Variants in PRSS55 observed in about 807,000 individuals in gnomAD.
PRSS55 encodes the protein probable serine protease UNQ9391/PRO34284.
In PRSS55, 41 loss-of-function variants were observed where a neutral mutation model predicts 23.6. The ratio of observed to expected loss-of-function variants is 1.74; its 90% CI spans 1.35 to 2.26. The LOEUF (loss-of-function observed/expected upper bound fraction) is 2.26, where lower values mean the gene tolerates loss of function less well. Ranked by LOEUF, PRSS55 falls within the 30% of genes most tolerant of loss-of-function variation. PRSS55 has a pLI of 0.00. For missense variants in PRSS55, 669 were observed against 439.1 expected (o/e 1.52, Z -4.68); for synonymous variants, 262 against 175.5 (o/e 1.49, Z -3.90).
intron 4 of PRSS55, among the ~76,000 whole-genome samples, chr8:10,536,255 A>C (rs1228963501): frequency 6.6e-6 from 1 of 152,216 alleles, no homozygotes; most frequent in African/African-American, 2.4e-5. Flanking sequence ...GCATATGAAA[A>C]AAAAATAAAG....
At chr8:10,526,779 C>G (rs1001262182) in intron 1 of PRSS55, among the ~76,000 whole-genome samples, 2 of 152,252 alleles carry the variant, frequency 1.3e-5, no homozygotes, top group African/African-American at 4.8e-5. Context: ...TTGGTCGCTT[C>G]AACATCCATC....
chr8:10,525,705 C>T lies in PRSS55; in HGVS notation c.120C>T (p.Arg40=). The T allele has an allele frequency of 6.2e-7, 1 of 1,612,494 alleles. No homozygotes were observed. ...TAGGCAGGGCTAGGGGAGCCCACCG[C>T]CCTCAGCCCCCTCATCCCCCCAGCC... ...AILGRARGAH[R]PQPPHPPSPV... is the part of the protein sequence containing the mutation. Residue 40 remains arginine (R), a synonymous_variant, in exon 1 of 5, where the codon CGC becomes CGT. Transcript: ENST00000328655.
intron 4 of PRSS55, 61 bp from the exon 5 acceptor site, chr8:10,538,415 C>A (rs1455950545): frequency 7.5e-7 from 1 of 1,327,392 alleles, no homozygotes; most frequent in Non-Finnish European, 1.1e-6. Context: ...TGAGCTGTGC[C>A]CAGCCTCAGA....
rs150990483 is a variant in PRSS55, at chr8:10,531,024, T to C, written c.348-271T>C. On this transcript the variant is annotated intron_variant, in intron 2 of 4. Transcript: ENST00000328655. The stretch of plus-strand genomic sequence containing the variant: ...TCTAAACCCAGCTCGGCCTTTGCTG[T>C]ATTAGACAGAAGCACCTCATTCATA... Among the ~76,000 whole-genome samples the C allele has an allele frequency of 3.5e-3, 535 of 152,278 alleles. 3 individuals are homozygous for C. Among genetic ancestry groups the C allele is most frequent in the African/African-American group, 0.012 (502 of 41,556 alleles).
At chr8:10,535,588 A>C (rs1272457678) in intron 4 of PRSS55, among the ~76,000 whole-genome samples, 2 of 152,242 alleles carry the variant, frequency 1.3e-5, no homozygotes, top group Non-Finnish European at 2.9e-5. Context: ...AAAAGACTTA[A>C]ATATAAAACC....
chr8:10,550,201 C>G (rs6987477), intron 4 of PRSS55, among the ~76,000 whole-genome samples: 99,560 of 152,104 alleles, frequency 0.65, 33,455 homozygotes, highest in South Asian at 0.74. Flanking sequence ...GGGATTACAG[C>G]TGTGAGCCAT....
downstream of PRSS55, among the ~76,000 whole-genome samples, chr8:10,539,694 C>T (rs574855357): frequency 2.6e-5 from 4 of 152,282 alleles, no homozygotes; most frequent in African/African-American, 4.8e-5. Flanking sequence ...TTTCCCTTTT[C>T]GCTTGGCCCT....
chr8:10,525,702 C>T lies in PRSS55; in HGVS notation c.117C>T (p.His39=), dbSNP rs892533776. 30 of 1,613,072 alleles carry T rather than the reference C, an allele frequency of 1.9e-5. No individual in the cohort carries two copies. Among genetic ancestry groups the T allele is most frequent in the African/African-American group, 4.0e-5 (3 of 74,908 alleles). ...TCCTAGGCAGGGCTAGGGGAGCCCA[C>T]CGCCCTCAGCCCCCTCATCCCCCCA... ...VAILGRARGA[H]RPQPPHPPSP... is the part of the protein sequence containing the mutation. Residue 39 remains histidine (H), a synonymous_variant, in exon 1 of 5, where the codon CAC becomes CAT. Transcript: ENST00000328655.
intron 4 of PRSS55, chr8:10,553,851 C>G (rs1055658206): frequency 2.6e-6 from 2 of 779,150 alleles, no homozygotes; most frequent in Non-Finnish European, 2.0e-6. Flanking sequence ...TTGGAGTAAC[C>G]ATTTCACAAT....
chr8:10,552,811 C>T (rs1392066393), intron 4 of PRSS55, among the ~76,000 whole-genome samples: 1 of 152,062 alleles, frequency 6.6e-6, no homozygotes. Flanking sequence ...TGTTTGTACT[C>T]CATTGGTAGG....
In PRSS55 at chr8:10,532,780, T is replaced by C; in HGVS notation, c.599-126T>C. 3 of 1,186,010 alleles carry C rather than the reference T, an allele frequency of 2.5e-6. No individual in the cohort carries two copies. The South Asian group carries it at 4.4e-5, about 17-fold the overall frequency. 73.5% of individuals were successfully genotyped at this position (1,186,010 alleles called of 1,614,324 possible). On this transcript the variant is annotated intron_variant, in intron 3 of 4. Transcript: ENST00000328655. ...GGGTAACCTGAAGGAAGTGAGGGGC[T>C]GCAGAGCCTGTGAAGGAAGGGGATG...
chr8:10,528,712 C>T (rs914310077), intron 1 of PRSS55, among the ~76,000 whole-genome samples: 1 of 152,190 alleles, frequency 6.6e-6, no homozygotes, highest in African/African-American at 2.4e-5. Flanking sequence ...ACACACCTGG[C>T]GGCTTAAACA....
chr8:10,551,407 C>T (rs1812947680), intron 4 of PRSS55, among the ~76,000 whole-genome samples: 4 of 152,234 alleles, frequency 2.6e-5, no homozygotes, highest in Admixed American at 2.6e-4. Flanking sequence ...AACACAAAGA[C>T]AGGCAGTGCC....
At chr8:10,527,760 T>C (rs1291241400) in intron 1 of PRSS55, among the ~76,000 whole-genome samples, 1 of 152,184 alleles carries the variant, frequency 6.6e-6, no homozygotes, top group Non-Finnish European at 1.5e-5. Context: ...TGTACGTCAG[T>C]TGTCTCAATT....
At chr8:10,533,134 T>C (rs1027681997) in intron 4 of PRSS55, 86 bp downstream of exon 4, 39 of 1,406,282 alleles carry the variant, frequency 2.8e-5, no homozygotes, top group South Asian at 3.9e-5. Context: ...CTGCTGCAAA[T>C]AGACAATTCT....
At chr8:10,527,359 T>A (rs1812066650) in intron 1 of PRSS55, among the ~76,000 whole-genome samples, 1 of 152,044 alleles carries the variant, frequency 6.6e-6, no homozygotes, top group Non-Finnish European at 1.5e-5. Flanking sequence ...CGGAGTGGAG[T>A]CATTCAATCA....
chr8:10,536,144 G>T (rs183716728), intron 4 of PRSS55, among the ~76,000 whole-genome samples: 1 of 152,224 alleles, frequency 6.6e-6, no homozygotes, highest in East Asian at 1.9e-4. Context: ...CCAGACTGCT[G>T]CCACTGCACT....
rs768132206 is a variant in PRSS55, at chr8:10,525,688, G to C, written c.103G>C (p.Ala35Pro). The C allele has an allele frequency of 4.3e-6, 7 of 1,613,740 alleles. No individual in the cohort carries two copies. The highest frequency in any genetic ancestry group is 5.9e-6 in the Non-Finnish European group (7 of 1,179,912). ...GGCTGGAGTGGCTATCCTAGGCAGGGCTAGGGGAGCCCACCGCCCTCAGCC... is the reference window on the plus strand; with the variant it reads ...GGCTGGAGTGGCTATCCTAGGCAGGCCTAGGGGAGCCCACCGCCCTCAGCC... ...PEAGVAILGR[A>P]RGAHRPQPPH... The change falls in exon 1 of 5, where the codon GCT becomes CCT. Residue 35 changes from alanine to proline, a missense_variant. Coordinates refer to ENST00000328655, the MANE Select transcript of PRSS55 (RefSeq NM_198464.4).
intron 4 of PRSS55, chr8:10,545,073 GGGCTTTT>G: frequency 1.1e-6 from 1 of 946,314 alleles, no homozygotes; most frequent in Non-Finnish European, 1.3e-6. Context: ...AAAAAGACCA[GGGCTTTT>G]GGTTTTTGGT....
Sources: gnomAD v4.1 joint callset for allele counts (sites outside exome capture counted in the v4.1 genomes callset) on GRCh38, gnomAD v4.1.1 for gene constraint, MANE v1.5 for transcripts, NCBI Gene and HGNC (gene_info 2026-07-23, HGNC 2026-07-21) for gene names.